Variants in HAL observed in about 807,000 individuals in gnomAD.
HAL encodes the protein histidase.
In HAL, 85 loss-of-function variants were observed where a neutral mutation model predicts 81.1. That is an observed-to-expected ratio of 1.05 (90% CI 0.88 to 1.25). The LOEUF is 1.25. HAL is among the 50% of genes most tolerant of loss of function. The pLI is 0.00. For missense variants in HAL, 798 were observed against 836.6 expected, an observed-to-expected ratio of 0.95 and a Z score of 0.57; for synonymous variants, 301 against 309.2, an observed-to-expected ratio of 0.97 and a Z score of 0.28.
chr12:95,977,638 G>A (rs2080736907), intron 18 of HAL, among the ~76,000 whole-genome samples: 1 of 38,908 alleles, frequency 2.6e-5, no homozygotes, highest in Non-Finnish European at 3.9e-5. Context: ...TAGAGATCCT[G>A]CCTCAAAAAA....
In HAL at chr12:95,973,953, C is replaced by T. The variant is rs2080684858; in HGVS notation, c.*279G>A. 2 of 419,940 alleles carry T rather than the reference C, an allele frequency of 4.8e-6. No homozygotes were observed. Among genetic ancestry groups the T allele is most frequent in the Non-Finnish European group, 8.6e-6 (2 of 232,920 alleles). The allele number at this position is 419,940 out of a possible 1,614,324, so 26.0% of individuals were successfully genotyped here. A position where few individuals can be genotyped will look rare whatever the true frequency, so the allele number is the denominator to read the frequency against. On this transcript the variant is annotated 3_prime_UTR_variant, in exon 21 of 21. Coordinates refer to ENST00000261208, the MANE Select transcript of HAL (RefSeq NM_002108.4). ...CACATACAATTGTGGTTATTCTTCT[C>T]ACCCTTAAGAGTGAGTGGCCTGTTG...
intron 9 of HAL, among the ~76,000 whole-genome samples, 164 bp from the exon 10 acceptor site, chr12:95,990,696 A>C (rs1303706631): frequency 6.6e-6 from 1 of 152,146 alleles, no homozygotes; most frequent in African/African-American, 2.4e-5. Context: ...CCCAGCTAAT[A>C]TGTAAGGGAC....
rs752725609 is a variant in HAL at position 95,995,916 on chromosome 12, C to T, written c.-6G>A. On this transcript the variant is annotated 5_prime_UTR_variant, in exon 2 of 21. Coordinates refer to ENST00000261208, the MANE Select transcript of HAL (RefSeq NM_002108.4). ...TGCACCGTGTATCTGGGCATGGCTC[C>T]GCTGCAGCCTGAGGTCCTCAGCTGG... 3.1e-5 allele frequency: 49 copies of T among 1,602,320 alleles called. No individual in the cohort carries two copies. Among genetic ancestry groups the T allele is most frequent in the African/African-American group, 2.3e-4 (17 of 74,934 alleles).
chr12:95,992,621 T>C (rs1255663854), intron 9 of HAL, 59 bp downstream of exon 9: 140 of 1,474,058 alleles, frequency 9.5e-5, no homozygotes, highest in Non-Finnish European at 1.3e-4. Flanking sequence ...CAATCAATTC[T>C]ACCCTGTGGT....
chr12:95,974,300 G>A lies in HAL; in HGVS notation c.1906C>T (p.Pro636Ser). 1 of 1,613,188 alleles carries A rather than the reference G, an allele frequency of 6.2e-7. No individual in the cohort carries two copies. The highest frequency in any genetic ancestry group is 8.5e-7 in the Non-Finnish European group (1 of 1,179,094). The change falls in exon 21 of 21, where the codon CCA (proline) becomes TCA (serine). Residue 636 changes from proline to serine, a missense_variant. Physicochemically the swap from Pro to Ser is moderately conservative, Grantham distance 74. Coordinates refer to ENST00000261208, the MANE Select transcript of HAL (RefSeq NM_002108.4). ...AGAAATTGCAGTGAAAAGGCTGTTG[G>A]AGAAAGAGGTCTTGATTCTGGAATA... ...EHIPESRPLS[P>S]TAFSLQFLHK...
intron 15 of HAL, among the ~76,000 whole-genome samples, chr12:95,981,244 C>T (rs2080792189): frequency 1.3e-5 from 2 of 152,164 alleles, no homozygotes; most frequent in African/African-American, 2.4e-5. Context: ...CTTCAATGGG[C>T]ACTGCAAATT....
In HAL at chr12:95,987,186, A is replaced by G. The variant is rs1487809602; in HGVS notation, c.932T>C (p.Met311Thr). 1.2e-6 allele frequency: 2 copies of G among 1,613,780 alleles called. No individual in the cohort carries two copies. Among genetic ancestry groups the G allele is most frequent in the Non-Finnish European group, 1.7e-6 (2 of 1,179,734 alleles). Reference protein sequence around the residue: ...EGLALINGTQMITSLGCEAVE... With the variant: ...EGLALINGTQTITSLGCEAVE... ...AGCTTCACAGCCCAGGGATGTGATC[A>G]TCTGCGTCCCATTGATGAGTGCCAG... The change falls in exon 12 of 21, where the codon ATG becomes ACG. Residue 311 changes from methionine (M) to threonine (T), a missense_variant. By Grantham distance (81) the Met-to-Thr change is moderately conservative. Coordinates refer to ENST00000261208, the MANE Select transcript of HAL (RefSeq NM_002108.4).
intron 9 of HAL, among the ~76,000 whole-genome samples, chr12:95,990,830 C>G (rs928792803): frequency 6.6e-6 from 1 of 152,136 alleles, no homozygotes; most frequent in African/African-American, 2.4e-5. Context: ...GAAAGAAGGG[C>G]CAGGCGCAGT....
chr12:95,990,644 C>T (rs1176031323), intron 9 of HAL, 112 bp from the exon 10 acceptor site: 1 of 828,916 alleles, frequency 1.2e-6, no homozygotes, highest in African/African-American at 1.7e-5. Context: ...CAATATCTAT[C>T]ACTTTATGGC....
rs750837637 is a variant in HAL at position 95,976,667 on chromosome 12, T to G, written c.1694A>C (p.Glu565Ala). 3 of 1,613,242 alleles carry G rather than the reference T, an allele frequency of 1.9e-6. No homozygotes were observed. Among genetic ancestry groups the G allele is most frequent in the South Asian group, 2.2e-5 (2 of 91,066 alleles). The change falls in exon 19 of 21, where the codon GAG becomes GCG. Residue 565 changes from glutamate to alanine, a missense_variant. Physicochemically the swap from Glu to Ala is moderately radical, Grantham distance 107 (BLOSUM62 -1). Coordinates refer to ENST00000261208, the MANE Select transcript of HAL (RefSeq NM_002108.4). ...IELLAACQGIEFLRPLKTTTP... is the reference protein window; with the variant it reads ...IELLAACQGIAFLRPLKTTTP... ...GGTTGTTTTCAGGGGACGTAGAAAC[T>G]CTATGCCCTGGCAGGCTGCAAGGAG... is the stretch of plus-strand genomic sequence containing the variant.
rs201092783 is a variant in HAL, at chr12:95,995,688, C to T, written c.223G>A (p.Glu75Lys). The T allele has an allele frequency of 4.8e-5, 78 of 1,613,574 alleles. No individual in the cohort carries two copies. In the Middle Eastern group the frequency reaches 4.9e-4, roughly 10 times the overall value. Reference sequence around the variant, plus strand: ...CCCACTTCCACGAACTCGTTGTTCTCTAGGGCCACCTCGAGCCGGTCCTCG... The same window carrying T: ...CCCACTTCCACGAACTCGTTGTTCTTTAGGGCCACCTCGAGCCGGTCCTCG... Reference protein sequence around the residue: ...DNEDRLEVALENNEFVEVVIE... With the variant: ...DNEDRLEVALKNNEFVEVVIE... The change falls in exon 2 of 21, where the codon GAG becomes AAG. Residue 75 changes from glutamate to lysine, a missense_variant. Glu to Lys is a moderately conservative substitution (Grantham distance 56, BLOSUM62 1). Transcript: ENST00000261208.
In HAL at chr12:95,980,824, T is replaced by C. The variant is rs2080784791; in HGVS notation, c.1327A>G (p.Asn443Asp). The C allele has an allele frequency of 1.9e-6, 3 of 1,594,448 alleles. No individual in the cohort carries two copies. The highest frequency in any genetic ancestry group is 2.6e-6 in the Non-Finnish European group (3 of 1,162,488). Reference sequence around the variant, plus strand: ...TTGGCTGGGTATTCACCATGGAAGTTTCCTCCAGAAACTGTCTCTCCCCTA... The same window carrying C: ...TTGGCTGGGTATTCACCATGGAAGTCTCCTCCAGAAACTGTCTCTCCCCTA... ...ANRGETVSGG[N>D]FHGEYPAKAL... Residue 443 changes from asparagine to aspartate, a missense_variant, in exon 16 of 21, where the codon AAC becomes GAC. Asn to Asp is a conservative substitution (Grantham distance 23, BLOSUM62 1). Coordinates refer to ENST00000261208, the MANE Select transcript of HAL (RefSeq NM_002108.4).
chr12:95,981,705 C>T (rs1018772687), intron 15 of HAL, among the ~76,000 whole-genome samples: 7 of 152,316 alleles, frequency 4.6e-5, no homozygotes, highest in Admixed American at 1.3e-4. Flanking sequence ...AGTGATCAGC[C>T]CACCTTGGCC....
intron 14 of HAL, among the ~76,000 whole-genome samples, chr12:95,985,624 CAAAAAAAAAAAAAA>C (rs56285140): frequency 7.8e-5 from 6 of 77,218 alleles, no homozygotes; most frequent in Non-Finnish European, 1.4e-4. Context: ...TTGTCTGTCT[CAAAAAAAAAAAAAA>C]AAAAAAAAAG....
In HAL at chr12:95,993,920, A is replaced by G. The variant is rs779952008; in HGVS notation, c.484+6T>C. 8 of 1,550,094 alleles carry G rather than the reference A, an allele frequency of 5.2e-6. No individual in the cohort carries two copies. The highest frequency in any genetic ancestry group is 5.0e-5 in the Admixed American group (3 of 59,946). Reference sequence around the variant, plus strand: ...AAATATTTATAACATAAAGATAAAAAGATACCTGTTTTCTCTTTTATGATG... The same window carrying G: ...AAATATTTATAACATAAAGATAAAAGGATACCTGTTTTCTCTTTTATGATG... On this transcript the variant is annotated splice_donor_region_variant and intron_variant, in intron 6 of 20. Coordinates refer to ENST00000261208, the MANE Select transcript of HAL (RefSeq NM_002108.4).
Position 95,987,136 on chromosome 12 carries a change from G to T in HAL, c.982C>A (p.Arg328=). 1.2e-6 allele frequency: 2 copies of T among 1,612,664 alleles called. No individual in the cohort carries two copies. The highest frequency in any genetic ancestry group is 1.7e-6 in the Non-Finnish European group (2 of 1,178,624). The change falls in exon 12 of 21, where the codon CGG becomes AGG. Residue 328 remains arginine (R), a synonymous_variant. Coordinates refer to ENST00000261208, the MANE Select transcript of HAL (RefSeq NM_002108.4). ...AGGGCTGCCACAATGTCAGCCTGCC[G>T]TGCAATAGCACTGGCTCGCTCTACA... is the stretch of plus-strand genomic sequence containing the variant. ...EAVERASAIA[R]QADIVAALTL... is the part of the protein sequence containing the mutation.
chr12:95,985,787 A>G lies in HAL; in HGVS notation c.1206+121T>C, dbSNP rs566716914. The G allele has an allele frequency of 1.7e-5, 12 of 705,704 alleles. 1 individual carries two copies. In the Middle Eastern group the frequency reaches 1.0e-3, roughly 59 times the overall value. 43.7% of individuals were successfully genotyped at this position (705,704 alleles called of 1,614,324 possible). The stretch of plus-strand genomic sequence containing the variant: ...ATAGAGACAGTAAGAAATTTGGACT[A>G]TAGTTGACCATTACATGTTTTTCTA... On this transcript the variant is annotated intron_variant, in intron 14 of 20. Coordinates refer to ENST00000261208, the MANE Select transcript of HAL (RefSeq NM_002108.4).
chr12:95,991,294 G>A (rs899431328), intron 9 of HAL, among the ~76,000 whole-genome samples: 22 of 151,958 alleles, frequency 1.4e-4, no homozygotes, highest in Non-Finnish European at 2.6e-4. Context: ...TTTATTATAG[G>A]AAAAATAGTT....
chr12:95,980,742 A>G (rs368701951), intron 16 of HAL, 21 bp from the exon 17 acceptor site: 1 of 1,611,410 alleles, frequency 6.2e-7, no homozygotes, highest in African/African-American at 1.3e-5. Context: ...GTCTCCATTT[A>G]GTCAGCCTAT....
Sources: allele counts gnomAD v4.1 joint callset (sites outside exome capture counted in the v4.1 genomes callset), GRCh38; gene constraint gnomAD v4.1.1; transcripts MANE v1.5; gene names NCBI Gene and HGNC (gene_info 2026-07-23, HGNC 2026-07-21).